LURAP1L: variants seen among roughly 807,000 people sequenced by gnomAD.
LURAP1L encodes leucine rich adaptor protein 1 like.
LURAP1L carries 12 observed loss-of-function variants against 13.8 expected under a neutral mutation model. The observed-to-expected ratio is 0.87, with a 90% confidence interval of 0.56 to 1.41. LURAP1L has a LOEUF of 1.41. Among genes scored for constraint, LURAP1L ranks in the 40% most tolerant of loss-of-function variants. The probability of loss-of-function intolerance (pLI) is 0.00; values close to 1 mark genes in which losing one functional copy is unlikely to be tolerated. For missense variants in LURAP1L, 375 were observed against 292.9 expected (o/e 1.28, Z -2.04); for synonymous variants, 139 against 119.2 (o/e 1.17, Z -1.08).
intron 1 of LURAP1L, among the ~76,000 whole-genome samples, chr9:12,793,029 A>C (rs1374362674): frequency 6.6e-6 from 1 of 152,058 alleles, no homozygotes; most frequent in Non-Finnish European, 1.5e-5. Context: ...GGAAAAACGA[A>C]CTAGAACATA....
intron 1 of LURAP1L, among the ~76,000 whole-genome samples, chr9:12,791,145 A>T (rs939190556): frequency 1.6e-4 from 24 of 152,124 alleles, no homozygotes; most frequent in African/African-American, 5.8e-4. Context: ...AGCAGTGTTC[A>T]CATAAGTAAG....
intron 1 of LURAP1L, among the ~76,000 whole-genome samples, chr9:12,784,316 G>T (rs926847891): frequency 6.6e-6 from 1 of 152,102 alleles, no homozygotes; most frequent in Non-Finnish European, 1.5e-5. Flanking sequence ...CATAGTCTGG[G>T]CTTGCTTGTA....
intron 1 of LURAP1L, among the ~76,000 whole-genome samples, chr9:12,819,790 T>TA (rs1259891312): frequency 1.3e-5 from 2 of 151,958 alleles, no homozygotes; most frequent in African/African-American, 4.8e-5. Flanking sequence ...CTGTCTCCAC[T>TA]AAAAATACTA....
intron 1 of LURAP1L, among the ~76,000 whole-genome samples, chr9:12,784,525 C>T (rs1035859672): frequency 3.3e-5 from 5 of 152,152 alleles, no homozygotes; most frequent in Non-Finnish European, 5.9e-5. Context: ...CTCTTGTTCT[C>T]TTACTTTACC....
At chr9:12,807,734 CCTTT>C (rs1466875110) in intron 1 of LURAP1L, among the ~76,000 whole-genome samples, 2 of 151,502 alleles carry the variant, frequency 1.3e-5, no homozygotes, top group Non-Finnish European at 2.9e-5. Context: ...CTATTTCTTT[CCTTT>C]GTTTGCTCAT....
At chr9:12,809,409 C>T (rs1285559197) in intron 1 of LURAP1L, among the ~76,000 whole-genome samples, 2 of 152,190 alleles carry the variant, frequency 1.3e-5, no homozygotes, top group Non-Finnish European at 2.9e-5. Context: ...GTCCAATCTA[C>T]TTATGAGCCC....
At chr9:12,815,390 C>T (rs2118546475) in intron 1 of LURAP1L, among the ~76,000 whole-genome samples, 1 of 152,060 alleles carries the variant, frequency 6.6e-6, no homozygotes, top group Middle Eastern at 3.4e-3. Context: ...GAAAAGAGGC[C>T]CTGACAGAAC....
At chr9:12,789,730 G>C (rs1444397568) in intron 1 of LURAP1L, among the ~76,000 whole-genome samples, 1 of 152,124 alleles carries the variant, frequency 6.6e-6, no homozygotes, top group Non-Finnish European at 1.5e-5. Context: ...GGGCATATGG[G>C]AGCCTGATGC....
rs973556094 is a variant in LURAP1L, at chr9:12,776,012, C to T, written c.297C>T (p.Leu99=). Residue 99 remains leucine, a synonymous_variant, in exon 1 of 2, where the codon CTC becomes CTT. Coordinates refer to ENST00000319264, the MANE Select transcript of LURAP1L (RefSeq NM_203403.2). ...ALERLETKLH[L]LRQEMVNLRA... ...AGAGGCTAGAAACCAAGCTTCACCT[C>T]CTCAGGCAAGAGATGGTGAGTGTGG... 2.5e-6 allele frequency: 4 copies of T among 1,612,506 alleles called. No homozygotes were observed. In the African/African-American group the frequency reaches 5.3e-5, roughly 22 times the overall value.
chr9:12,798,508 G>T (rs1476270858), intron 1 of LURAP1L, among the ~76,000 whole-genome samples: 7 of 152,132 alleles, frequency 4.6e-5, no homozygotes, highest in Admixed American at 4.6e-4. Context: ...ACCTTTTGTA[G>T]TAAGAACTGA....
rs549771967 is a variant in LURAP1L, at chr9:12,775,556, A to AT, written c.-159dup. 7 of 1,230,684 alleles carry AT rather than the reference A, an allele frequency of 5.7e-6. No homozygotes were observed. The Admixed American group carries it at 1.7e-4, about 30-fold the overall frequency. 76.2% of individuals were successfully genotyped at this position (1,230,684 alleles called of 1,614,324 possible). ...GCGTCCTGTGCGGATTTCAGGGCTG[A>AT]TACCGCATAGGCGGTTATGGAAAGG... is the stretch of plus-strand genomic sequence containing the variant. On this transcript the variant is annotated 5_prime_UTR_variant, in exon 1 of 2. Coordinates refer to ENST00000319264, the MANE Select transcript of LURAP1L (RefSeq NM_203403.2).
In LURAP1L at chr9:12,813,152, A is replaced by C. The variant is rs184067428; in HGVS notation, c.313-8234A>C. On this transcript the variant is annotated intron_variant, in intron 1 of 1. Coordinates refer to ENST00000319264, the MANE Select transcript of LURAP1L (RefSeq NM_203403.2). ...CCGTACCTCCTCAATGGTACACTGA[A>C]GCTAATATCTACTGAGATGTGTGAG... Among the ~76,000 whole-genome samples the C allele has an allele frequency of 8.7e-3, 1,321 of 152,270 alleles. 3 individuals carry two copies. The highest frequency in any genetic ancestry group is 0.014 in the Non-Finnish European group (921 of 67,998).
intron 1 of LURAP1L, among the ~76,000 whole-genome samples, chr9:12,803,623 C>G (rs1357140634): frequency 6.6e-6 from 1 of 152,092 alleles, no homozygotes; most frequent in African/African-American, 2.4e-5. Context: ...TCTCACATGT[C>G]CAGGTAAAAT....
At chr9:12,779,303 C>A (rs997997205) in intron 1 of LURAP1L, among the ~76,000 whole-genome samples, 2 of 110,596 alleles carry the variant, frequency 1.8e-5, no homozygotes, top group African/African-American at 6.9e-5. Context: ...GAGACGGAGT[C>A]TCGCCCTATC....
At chr9:12,790,788 C>G (rs1819430600) in intron 1 of LURAP1L, 1 of 146,666 alleles carries the variant, frequency 6.8e-6, no homozygotes, top group African/African-American at 2.5e-5. Flanking sequence ...AGAATATGTA[C>G]ATGTTAGTTT....
intron 1 of LURAP1L, among the ~76,000 whole-genome samples, chr9:12,787,105 A>C (rs1257707525): frequency 1.3e-5 from 2 of 152,192 alleles, no homozygotes; most frequent in Non-Finnish European, 2.9e-5. Flanking sequence ...AGAGTACAAA[A>C]GTATTTAAAG....
intron 1 of LURAP1L, among the ~76,000 whole-genome samples, chr9:12,814,730 C>G (rs997502277): frequency 3.3e-5 from 5 of 152,188 alleles, no homozygotes; most frequent in African/African-American, 7.2e-5. Context: ...AAAACAACAT[C>G]AATCAGTCCA....
rs1819899405 is a variant in LURAP1L, at chr9:12,822,806, C to A, written c.*1046C>A. 6.6e-6 allele frequency among the ~76,000 whole-genome samples: 1 copy of A among 152,042 alleles called. No homozygotes were observed. Among genetic ancestry groups the A allele is most frequent in the Non-Finnish European group, 1.5e-5 (1 of 68,002 alleles). On this transcript the variant is annotated 3_prime_UTR_variant, in exon 2 of 2. Transcript: ENST00000319264. ...TTACTTTAAATATAATGTTATTAATCCTCTGCATTTCTTTTATCTTGATAA... is the reference window on the plus strand; with the variant it reads ...TTACTTTAAATATAATGTTATTAATACTCTGCATTTCTTTTATCTTGATAA...
chr9:12,803,997 A>G (rs1247336726), intron 1 of LURAP1L, among the ~76,000 whole-genome samples: 2 of 152,236 alleles, frequency 1.3e-5, no homozygotes, highest in African/African-American at 4.8e-5. Context: ...AATAAAGAGC[A>G]AATCTATTAT....
Sources: allele counts gnomAD v4.1 joint callset (sites outside exome capture counted in the v4.1 genomes callset), GRCh38; gene constraint gnomAD v4.1.1; transcripts MANE v1.5; gene names NCBI Gene and HGNC (gene_info 2026-07-23, HGNC 2026-07-21).